The following KTN1 variants were observed in gnomAD, a reference collection of about 807,000 sequenced individuals.
KTN1 encodes kinectin 1.
A neutral mutation model predicts 222.5 loss-of-function variants in KTN1; 130 were observed. That is an observed-to-expected ratio of 0.58 (90% CI 0.51 to 0.68). The LOEUF is 0.68. Among genes scored for constraint, KTN1 ranks in the 30% least tolerant of loss-of-function variants. The pLI is 0.00. For missense variants in KTN1, 1,508 were observed against 1,500.4 expected (o/e 1.01, Z -0.08); for synonymous variants, 512 against 496.3 (o/e 1.03, Z -0.42).
chr14:55,677,138 T>C (rs1365469273), intron 41 of KTN1, among the ~76,000 whole-genome samples: 2 of 152,182 alleles, frequency 1.3e-5, no homozygotes, highest in African/African-American at 4.8e-5. Context: ...GTAGAAATAT[T>C]GTGCAACATT....
At chr14:55,598,949 T>C (rs1480683479) in intron 1 of KTN1, among the ~76,000 whole-genome samples, 5 of 152,226 alleles carry the variant, frequency 3.3e-5, no homozygotes, top group African/African-American at 1.2e-4. Flanking sequence ...TCCCATTGGA[T>C]TTATTGGACA....
intron 1 of KTN1, among the ~76,000 whole-genome samples, chr14:55,604,948 C>A (rs1003244290): frequency 1.4e-4 from 22 of 152,240 alleles, no homozygotes; most frequent in Admixed American, 7.8e-4. Context: ...GCTGATTTTT[C>A]CCACTTGGTT....
chr14:55,652,767 T>C, intron 25 of KTN1, 83 bp from the exon 26 acceptor site: 1 of 877,446 alleles, frequency 1.1e-6, no homozygotes, highest in Non-Finnish European at 1.8e-6. Context: ...CTACCCAAAA[T>C]ATACTTTTTT....
At chr14:55,598,276 A>G (rs1337755781) in intron 1 of KTN1, among the ~76,000 whole-genome samples, 2 of 152,074 alleles carry the variant, frequency 1.3e-5, no homozygotes, top group African/African-American at 4.8e-5. Context: ...TCTACTAAAT[A>G]TACAAAAAAT....
intron 43 of KTN1, 38 bp downstream of exon 43, chr14:55,679,723 G>A (rs2046201843): frequency 6.3e-7 from 1 of 1,592,098 alleles, no homozygotes; most frequent in South Asian, 1.1e-5. Flanking sequence ...ATGGGTAATT[G>A]ATGTTATGTG....
intron 18 of KTN1, chr14:55,644,191 A>T: frequency 4.7e-5 from 19 of 406,746 alleles, no homozygotes; most frequent in East Asian, 7.3e-5. Flanking sequence ...GCTGCTAGTG[A>T]AAGAAGAGAA....
intron 27 of KTN1, 151 bp downstream of exon 27, chr14:55,653,236 C>G (rs1187905709): frequency 1.5e-6 from 1 of 660,334 alleles, no homozygotes; most frequent in Admixed American, 3.1e-5. Flanking sequence ...AATAAGTTAG[C>G]TTTTATTTCT....
chr14:55,585,161 A>T (rs10148983), intron 1 of KTN1, among the ~76,000 whole-genome samples: 1 of 148,864 alleles, frequency 6.7e-6, no homozygotes, highest in African/African-American at 2.5e-5. Context: ...AAAAAATCTC[A>T]CATTCCTTCC....
chr14:55,652,660 A>G lies in KTN1; in HGVS notation c.2604-190A>G, dbSNP rs138501811. Among the ~76,000 whole-genome samples the G allele has an allele frequency of 4.6e-4, 70 of 152,266 alleles. 1 individual carries two copies. The highest frequency in any genetic ancestry group is 1.6e-3 in the African/African-American group (66 of 41,548). On this transcript the variant is annotated intron_variant, in intron 25 of 43. Coordinates refer to ENST00000395314, the MANE Select transcript of KTN1 (RefSeq NM_001079521.2). ...GTGATCCGCCCGCCTTGGCCTCCCA[A>G]AGTGTTGGGATTACAGGCGTGAGCC... is the stretch of plus-strand genomic sequence containing the variant.
At position 55,583,137 on chromosome 14, in the gene KTN1, C is replaced by T. The variant is rs544937117; in HGVS notation, c.-31+2783C>T. 7.9e-5 allele frequency among the ~76,000 whole-genome samples: 12 copies of T among 152,246 alleles called. No homozygotes were observed. In the South Asian group the frequency reaches 2.3e-3, roughly 29 times the overall value. On this transcript the variant is annotated intron_variant, in intron 1 of 43. Transcript: ENST00000395314. ...ACATTAAGGGGAAGAACCTTATGTG[C>T]TGTGAACTAAGGGGTTTAATTTAAC... is the stretch of plus-strand genomic sequence containing the variant.
At chr14:55,596,685 C>A (rs2035089686) in intron 1 of KTN1, among the ~76,000 whole-genome samples, 2 of 152,160 alleles carry the variant, frequency 1.3e-5, no homozygotes, top group South Asian at 4.1e-4. Flanking sequence ...TTGGTGAAAT[C>A]ACAAGGACTA....
intron 33 of KTN1, 49 bp downstream of exon 33, chr14:55,664,090 C>T: frequency 8.2e-7 from 1 of 1,225,206 alleles, no homozygotes. Context: ...AGAAAATCTG[C>T]AGCTTGTCTT....
intron 43 of KTN1, 39 bp from the exon 44 acceptor site, chr14:55,684,060 T>G (rs2046587728): frequency 1.3e-6 from 2 of 1,575,848 alleles, no homozygotes; most frequent in Non-Finnish European, 1.7e-6. Context: ...TCTGTTGCTT[T>G]GTTTTAAAGT....
chr14:55,673,314 G>T, intron 40 of KTN1, 59 bp downstream of exon 40: 1 of 1,095,352 alleles, frequency 9.1e-7, no homozygotes. Context: ...TTATTGACAT[G>T]TGGAGAAACC....
chr14:55,641,815 GTTC>G (rs983229000), intron 18 of KTN1, 55 bp downstream of exon 18: 10 of 1,105,786 alleles, frequency 9.0e-6, no homozygotes, highest in Admixed American at 3.9e-5. Flanking sequence ...ACAAGATCTG[GTTC>G]TTCTTATTTA....
intron 40 of KTN1, chr14:55,675,281 A>G (rs1042234531): frequency 2.6e-5 from 4 of 152,238 alleles, no homozygotes; most frequent in Admixed American, 2.6e-4. Flanking sequence ...AGATTGGGTT[A>G]TTCATAGGTA....
At chr14:55,657,311 G>A (rs374864387) in intron 29 of KTN1, among the ~76,000 whole-genome samples, 1 of 151,706 alleles carries the variant, frequency 6.6e-6, no homozygotes, top group Non-Finnish European at 1.5e-5. Flanking sequence ...TTGACTGCGA[G>A]AGAAGTTAAG....
chr14:55,672,513 A>T, intron 37 of KTN1, 117 bp from the exon 38 acceptor site: 1 of 619,090 alleles, frequency 1.6e-6, no homozygotes. Context: ...CATCTCTTTT[A>T]AATGAGATGC....
In KTN1 at chr14:55,612,021, T is replaced by G. The variant is rs1138345; in HGVS notation, c.-28T>G. On this transcript the variant is annotated splice_region_variant and 5_prime_UTR_variant, in exon 2 of 44. Coordinates refer to ENST00000395314, the MANE Select transcript of KTN1 (RefSeq NM_001079521.2). ...TCCCCACCTTCTTCCCTATTTAGGT[T>G]TTATAGGATCACATTGACAAAAGTA... 406,741 of 1,325,708 alleles carry G rather than the reference T, an allele frequency of 0.31. 64,925 individuals carry two copies. Among genetic ancestry groups the G allele is most frequent in the East Asian group, 0.35 (12,846 of 37,192 alleles). 82.1% of individuals were successfully genotyped at this position (1,325,708 alleles called of 1,614,324 possible).
Sources: allele counts gnomAD v4.1 joint callset (sites outside exome capture counted in the v4.1 genomes callset), GRCh38; gene constraint gnomAD v4.1.1; transcripts MANE v1.5; gene names NCBI Gene and HGNC (gene_info 2026-07-23, HGNC 2026-07-21).